The following FKBP10 variants were observed in gnomAD, a reference collection of about 807,000 sequenced individuals.
FKBP10 encodes the protein FKBP prolyl isomerase 10.
In FKBP10, 34 loss-of-function variants were observed where a neutral mutation model predicts 53.7. The ratio of observed to expected loss-of-function variants is 0.63; its 90% confidence interval spans 0.48 to 0.84. The LOEUF (loss-of-function observed/expected upper bound fraction) is 0.84. Among genes scored for constraint, FKBP10 ranks in the 40% least tolerant of loss-of-function variants. The pLI is 0.00. For missense variants in FKBP10, 748 were observed against 797.8 expected, an observed-to-expected ratio of 0.94 and a Z score of 0.75; for synonymous variants, 324 against 335.7, an observed-to-expected ratio of 0.97 and a Z score of 0.38.
In FKBP10 at chr17:41,821,050, C is replaced by G; in HGVS notation, c.1360C>G (p.Leu454Val). 6.3e-7 allele frequency: 1 copy of G among 1,588,078 alleles called. No individual in the cohort carries two copies. Among genetic ancestry groups the G allele is most frequent in the Non-Finnish European group, 8.6e-7 (1 of 1,167,778 alleles). Residue 454 changes from leucine to valine, a missense_variant, in exon 8 of 10, where the codon CTC (leucine) becomes GTC (valine). Coordinates refer to ENST00000321562, the MANE Select transcript of FKBP10 (RefSeq NM_021939.4). ...QGMCVGERRQ[L>V]IVPPHLAHGE... ...CATGTGTGTGGGAGAGAGGCGGCAG[C>G]TCATCGTGCCCCCGCACCTGGCCCA...
rs782402624 is a variant in FKBP10, at chr17:41,819,225, C to G, written c.743C>G (p.Pro248Arg). The G allele has an allele frequency of 3.1e-6, 5 of 1,614,166 alleles. No homozygotes were observed. The highest frequency in any genetic ancestry group is 2.2e-5 in the East Asian group (1 of 44,870). The change falls in exon 5 of 10, where the codon CCA becomes CGA. Residue 248 changes from proline to arginine, a missense_variant. By Grantham distance (103) the Pro-to-Arg change is moderately radical. Transcript: ENST00000321562. Reference protein sequence around the residue: ...GEKGYGTVIPPQASLVFHVLL... With the variant: ...GEKGYGTVIPRQASLVFHVLL... ...CCTTCCCCAGGGACAGTGATCCCCC[C>G]ACAGGCCTCGCTGGTCTTTCACGTC...
chr17:41,817,944 A>AG, intron 2 of FKBP10, 145 bp from the exon 3 acceptor site: 1 of 900,192 alleles, frequency 1.1e-6, no homozygotes, highest in East Asian at 2.6e-5. Context: ...TCTCTTAAAA[A>AG]AAAAAAACAA....
chr17:41,813,227 G>A lies in FKBP10; in HGVS notation c.193G>A (p.Val65Met), dbSNP rs1555615702. The A allele has an allele frequency of 1.2e-6, 2 of 1,613,730 alleles. No individual in the cohort carries two copies. The highest frequency in any genetic ancestry group is 8.5e-7 in the Non-Finnish European group (1 of 1,179,986). Residue 65 changes from valine (V) to methionine (M), a missense_variant, in exon 1 of 10, where the codon GTG becomes ATG. Transcript: ENST00000321562. ...CCGGGAAGTGCAGATGGGGGATTTT[G>A]TGCGCTACCACTACAACGGCACTTT... ...CPREVQMGDF[V>M]RYHYNGTFED...
chr17:41,813,340 T>C (rs2047773033), intron 1 of FKBP10, 61 bp downstream of exon 1: 1 of 1,608,910 alleles, frequency 6.2e-7, no homozygotes, highest in Admixed American at 1.7e-5. Context: ...GGGTCCTGTT[T>C]CCTTGTTGCC....
chr17:41,820,120 G>T, intron 6 of FKBP10, 149 bp from the exon 7 acceptor site: 1 of 1,228,420 alleles, frequency 8.1e-7, no homozygotes. Context: ...AAGTTTGTTA[G>T]AATTGACTCT....
At chr17:41,820,782 C>A (rs2047880702) in intron 7 of FKBP10, 165 bp from the exon 8 acceptor site, 1 of 981,982 alleles carries the variant, frequency 1.0e-6, no homozygotes. Flanking sequence ...AGAAGGGAAC[C>A]CCACGTCTGC....
chr17:41,821,503 T>C (rs1438025169), intron 8 of FKBP10, 151 bp from the exon 9 acceptor site: 6 of 904,658 alleles, frequency 6.6e-6, no homozygotes, highest in Admixed American at 2.7e-5. Flanking sequence ...GAGTCAGGAA[T>C]GCCTTCAGGA....
rs782567281 is a variant in FKBP10, at chr17:41,817,055, C to G, written c.246-3C>G. 1 of 1,614,072 alleles carries G rather than the reference C, an allele frequency of 6.2e-7. No individual in the cohort carries two copies. ...TGTATCCCATCTGTCCCTCCCCCCC[C>G]AGCTATGATCGCAACACCTTGGTGG... On this transcript the variant is annotated splice_region_variant and splice_polypyrimidine_tract_variant and intron_variant, in intron 1 of 9. Coordinates refer to ENST00000321562, the MANE Select transcript of FKBP10 (RefSeq NM_021939.4).
intron 5 of FKBP10, 26 bp downstream of exon 5, chr17:41,819,425 G>A (rs1190094757): frequency 6.2e-7 from 1 of 1,612,798 alleles, no homozygotes; most frequent in Admixed American, 1.7e-5. Context: ...AGGTGGGAGG[G>A]CGGGGGCTGG....
In FKBP10 at chr17:41,813,125, C is replaced by T; in HGVS notation, c.91C>T (p.Leu31=). The change falls in exon 1 of 10, where the codon CTG becomes TTG. Residue 31 remains leucine, a synonymous_variant. Coordinates refer to ENST00000321562, the MANE Select transcript of FKBP10 (RefSeq NM_021939.4). The part of the protein sequence containing the change: ...LLVVQAVGRG[L]GRASPAGGPL... ...GGTGGTGCAGGCCGTGGGGAGGGGG[C>T]TGGGCCGCGCCAGCCCGGCCGGGGG... 6.2e-7 allele frequency: 1 copy of T among 1,611,462 alleles called. No homozygotes were observed. Among genetic ancestry groups the T allele is most frequent in the South Asian group, 1.1e-5 (1 of 91,018 alleles).
Position 41,821,798 on chromosome 17 carries a change from G to T in FKBP10, c.1544G>T (p.Gly515Val). The T allele has an allele frequency of 6.2e-7, 1 of 1,614,140 alleles. No homozygotes were observed. The highest frequency in any genetic ancestry group is 8.5e-7 in the Non-Finnish European group (1 of 1,180,030). Residue 515 changes from glycine to valine, a missense_variant, in exon 9 of 10, where the codon GGC becomes GTC. By Grantham distance (109) the Gly-to-Val change is moderately radical (BLOSUM62 -3). Transcript: ENST00000321562. ...LFEDMDLNKD[G>V]EVPPEEFSTF... is the part of the protein sequence containing the mutation. The stretch of plus-strand genomic sequence containing the variant: ...GAAGACATGGACCTCAACAAGGATG[G>T]CGAGGTCCCTCCGGAGGAGGTGGGT...
At chr17:41,819,832 G>T in intron 6 of FKBP10, 157 bp downstream of exon 6, 1 of 1,538,096 alleles carries the variant, frequency 6.5e-7, no homozygotes, top group African/African-American at 1.4e-5. Context: ...TCTGATTCCT[G>T]CCACACAGAC....
chr17:41,821,369 C>T (rs979330540), intron 8 of FKBP10, among the ~76,000 whole-genome samples: 20 of 152,082 alleles, frequency 1.3e-4, no homozygotes, highest in Non-Finnish European at 2.4e-4. Flanking sequence ...GTGATCCACC[C>T]GCCTTGGCCT....
In FKBP10 at chr17:41,818,478, A is replaced by G. The variant is rs1676002483; in HGVS notation, c.678A>G (p.Arg226=). Residue 226 remains arginine, a synonymous_variant, in exon 4 of 10, where the codon AGA becomes AGG. Transcript: ENST00000321562. ...QGLLGMCPGE[R]RKIIIPPFLA... ...TGCTGGGCATGTGTCCTGGAGAGAG[A>G]AGGAAGATTATCATCCCTCCATTCC... 2 of 1,614,024 alleles carry G rather than the reference A, an allele frequency of 1.2e-6. No individual in the cohort carries two copies. Among genetic ancestry groups the G allele is most frequent in the Non-Finnish European group, 8.5e-7 (1 of 1,180,042 alleles).
At chr17:41,820,738 T>C (rs2047880288) in intron 7 of FKBP10, 4 of 729,632 alleles carry the variant, frequency 5.5e-6, no homozygotes, top group Non-Finnish European at 6.6e-6. Flanking sequence ...CCATGAGCCC[T>C]CGAGGCCACA....
rs1424252986 is a variant in FKBP10, at chr17:41,821,719, C to T, written c.1465C>T (p.Leu489=). 5 of 1,614,020 alleles carry T rather than the reference C, an allele frequency of 3.1e-6. No homozygotes were observed. In the African/African-American group the frequency reaches 6.7e-5, roughly 22 times the overall value. ...GGAGCTGGTGTCCCGGGAGGATGGG[C>T]TGCCCACAGGCTACCTGTTTGTGTG... ...EVELVSREDG[L]PTGYLFVWHK... is the part of the protein sequence containing the mutation. The change falls in exon 9 of 10, where the codon CTG becomes TTG. Residue 489 remains leucine, a synonymous_variant. Transcript: ENST00000321562.
chr17:41,819,495 G>C, intron 5 of FKBP10, 35 bp from the exon 6 acceptor site: 1 of 1,613,930 alleles, frequency 6.2e-7, no homozygotes, highest in Non-Finnish European at 8.5e-7. Context: ...GGGCCCCTTT[G>C]ACTCCCTTCC....
intron 7 of FKBP10, chr17:41,820,745 C>T: frequency 1.3e-6 from 1 of 765,202 alleles, no homozygotes; most frequent in Non-Finnish European, 2.1e-6. Context: ...CCCTCGAGGC[C>T]ACACTTTAGG....
chr17:41,813,840 G>A (rs2047781726), intron 1 of FKBP10, among the ~76,000 whole-genome samples: 1 of 150,074 alleles, frequency 6.7e-6, no homozygotes, highest in Non-Finnish European at 1.5e-5. Flanking sequence ...GGGGTAGCGC[G>A]TGGCTCCCTG....
Sources: gnomAD v4.1 joint callset for allele counts (sites outside exome capture counted in the v4.1 genomes callset) on GRCh38, gnomAD v4.1.1 for gene constraint, MANE v1.5 for transcripts, NCBI Gene and HGNC (gene_info 2026-07-23, HGNC 2026-07-21) for gene names.